Variants in ATF7IP observed in about 807,000 individuals in gnomAD.
The protein encoded by ATF7IP is activating transcription factor 7 interacting protein.
Under a neutral mutation model 106.4 loss-of-function variants are expected in ATF7IP, and 23 were observed. That is an observed-to-expected ratio of 0.22 (90% CI 0.16 to 0.31). ATF7IP has a LOEUF of 0.31. Ranked by LOEUF, ATF7IP falls within the 10% of genes least tolerant of loss-of-function variation. The pLI is 1.00. For synonymous variants in ATF7IP, 542 were observed against 539.0 expected (o/e 1.01, Z -0.08); for missense variants, 1,334 against 1,524.3 (o/e 0.88, Z 2.08).
At chr12:14,402,255 G>T (rs1282261900) in intron 1 of ATF7IP, among the ~76,000 whole-genome samples, 2 of 151,046 alleles carry the variant, frequency 1.3e-5, no homozygotes, top group African/African-American at 2.4e-5. Flanking sequence ...AGCCTCCCAG[G>T]GAGCTGGGGC....
intron 1 of ATF7IP, among the ~76,000 whole-genome samples, chr12:14,415,887 C>T (rs893715928): frequency 6.6e-6 from 1 of 152,034 alleles, no homozygotes; most frequent in Non-Finnish European, 1.5e-5. Context: ...TACTACACTA[C>T]TTTATATAAG....
At chr12:14,420,868 G>A (rs1941474927) in intron 1 of ATF7IP, among the ~76,000 whole-genome samples, 1 of 152,168 alleles carries the variant, frequency 6.6e-6, no homozygotes, top group Non-Finnish European at 1.5e-5. Flanking sequence ...TCTTTCTCAG[G>A]CCAAAGCAAA....
intron 1 of ATF7IP, among the ~76,000 whole-genome samples, chr12:14,380,912 G>C (rs1449310354): frequency 6.6e-6 from 1 of 152,226 alleles, no homozygotes; most frequent in African/African-American, 2.4e-5. Flanking sequence ...GAGCCACCGT[G>C]CCCGGCCAGG....
At chr12:14,465,641 C>T (rs1011285744) in intron 9 of ATF7IP, among the ~76,000 whole-genome samples, 1 of 152,060 alleles carries the variant, frequency 6.6e-6, no homozygotes, top group African/African-American at 2.4e-5. Context: ...CCCTGGAATA[C>T]TTCTCTTTTA....
intron 10 of ATF7IP, among the ~76,000 whole-genome samples, chr12:14,471,401 T>A (rs1217463941): frequency 6.6e-6 from 1 of 152,216 alleles, no homozygotes; most frequent in African/African-American, 2.4e-5. Context: ...CTTCCTTTAA[T>A]TTTGTCAGTT....
chr12:14,442,275 A>G (rs1942748553), intron 5 of ATF7IP, among the ~76,000 whole-genome samples: 2 of 152,230 alleles, frequency 1.3e-5, no homozygotes, highest in Non-Finnish European at 1.5e-5. Flanking sequence ...TTTCAGTAGC[A>G]TACAAAATCA....
intron 1 of ATF7IP, among the ~76,000 whole-genome samples, chr12:14,379,024 C>G (rs1250209911): frequency 6.6e-6 from 1 of 152,134 alleles, no homozygotes; most frequent in Non-Finnish European, 1.5e-5. Context: ...ATTTTGTACA[C>G]CATTGATATA....
intron 13 of ATF7IP, among the ~76,000 whole-genome samples, chr12:14,494,428 T>G (rs1472613065): frequency 6.9e-6 from 1 of 144,044 alleles, no homozygotes; most frequent in Non-Finnish European, 1.5e-5. Context: ...ATATATATTT[T>G]ATATATTATA....
At chr12:14,375,331 A>T (rs1938695255) in intron 1 of ATF7IP, among the ~76,000 whole-genome samples, 1 of 152,114 alleles carries the variant, frequency 6.6e-6, no homozygotes, top group Admixed American at 6.6e-5. Context: ...TGCTTTTAGG[A>T]AAAACAGTTT....
chr12:14,502,821 T>C lies in ATF7IP; in HGVS notation c.*4748T>C, dbSNP rs1945195955. ...GTGTGTGCGTGCGTGTGTGTGTTTT[T>C]CTTTTTTAAATGTATAGTAGAGTGG... On this transcript the variant is annotated 3_prime_UTR_variant, in exon 15 of 15. Transcript: ENST00000261168. The C allele has an allele frequency of 6.6e-6, 1 of 152,116 alleles. No individual in the cohort carries two copies. The highest frequency in any genetic ancestry group is 2.4e-5 in the African/African-American group (1 of 41,414). 9.4% of individuals were successfully genotyped at this position (152,116 alleles called of 1,614,324 possible). A position where few individuals can be genotyped will look rare whatever the true frequency, so the allele number is the denominator to read the frequency against.
intron 13 of ATF7IP, among the ~76,000 whole-genome samples, chr12:14,483,763 G>A (rs1178445115): frequency 2.6e-5 from 4 of 152,078 alleles, no homozygotes; most frequent in Admixed American, 2.6e-4. Context: ...ACTGTCACCT[G>A]GTTGGGGTTG....
chr12:14,402,050 T>C (rs1565483472), intron 1 of ATF7IP, among the ~76,000 whole-genome samples: 1 of 151,522 alleles, frequency 6.6e-6, no homozygotes, highest in Admixed American at 6.6e-5. Context: ...CTACAAAATA[T>C]CTAGGTGGAA....
Position 14,460,742 on chromosome 12 carries a change from A to G in ATF7IP, c.2406A>G (p.Pro802=), listed in dbSNP as rs113845516. 4 of 1,614,102 alleles carry G rather than the reference A, an allele frequency of 2.5e-6. No individual in the cohort carries two copies. The highest frequency in any genetic ancestry group is 2.7e-5 in the African/African-American group (2 of 74,946). ...AGCCTCAGCTTCTACAGAGCCATCC[A>G]GGGACTTTGGTGACTAATCAACCAT... ...SSQPQLLQSH[P]GTLVTNQPSG... The change falls in exon 9 of 15, where the codon CCA becomes CCG. Residue 802 remains proline (P), a synonymous_variant. Coordinates refer to ENST00000261168, the MANE Select transcript of ATF7IP (RefSeq NM_018179.5).
At chr12:14,396,437 T>TAA (rs36115150) in intron 1 of ATF7IP, among the ~76,000 whole-genome samples, 2 of 146,226 alleles carry the variant, frequency 1.4e-5, no homozygotes, top group Non-Finnish European at 3.0e-5. Flanking sequence ...TGCTTGGATT[T>TAA]AAAAAAAAAA....
chr12:14,463,314 A>C (rs978373220), intron 9 of ATF7IP, among the ~76,000 whole-genome samples: 1 of 152,164 alleles, frequency 6.6e-6, no homozygotes, highest in African/African-American at 2.4e-5. Context: ...ATTTTAAATC[A>C]CTATTTTCTG....
In ATF7IP at chr12:14,497,663, C is replaced by T. The variant is rs138456753; in HGVS notation, c.3403C>T (p.Arg1135Cys). 1.2e-5 allele frequency: 20 copies of T among 1,612,762 alleles called. No individual in the cohort carries two copies. Among genetic ancestry groups the T allele is most frequent in the African/African-American group, 5.3e-5 (4 of 75,028 alleles). ...TGACCTGTTTCTTCAGGAGCCCCCA[C>T]GCCCCGTGCACCCAGCACCCTTACC... ...RPPQVHTEPP[R>C]PVHPAPLPEA... is the part of the protein sequence containing the mutation. Residue 1135 changes from arginine (R) to cysteine (C), a missense_variant, in exon 15 of 15, where the codon CGC (arginine) becomes TGC (cysteine). By Grantham distance (180) the Arg-to-Cys change is radical (BLOSUM62 -3). Transcript: ENST00000261168.
chr12:14,496,583 G>A (rs773117873), intron 14 of ATF7IP, among the ~76,000 whole-genome samples: 3 of 152,166 alleles, frequency 2.0e-5, no homozygotes, highest in Non-Finnish European at 1.5e-5. Flanking sequence ...CAGGTCCACA[G>A]TTGGGGTATA....
In ATF7IP at chr12:14,396,868, C is replaced by T. The variant is rs1939877989; in HGVS notation, c.-7-27041C>T. The stretch of plus-strand genomic sequence containing the variant: ...AGACAATCAAAACAAAGATAAAAGT[C>T]ATGAGTATGATTACAGGCGTGGTGG... On this transcript the variant is annotated intron_variant, in intron 1 of 14. Transcript: ENST00000261168. Among the ~76,000 whole-genome samples, 3 of 152,008 alleles carry T rather than the reference C, an allele frequency of 2.0e-5. No homozygotes were observed. The South Asian group carries it at 6.2e-4, about 32-fold the overall frequency.
chr12:14,417,426 G>A (rs564761990), intron 1 of ATF7IP, among the ~76,000 whole-genome samples: 1 of 151,872 alleles, frequency 6.6e-6, no homozygotes, highest in African/African-American at 2.4e-5. Context: ...TTTTGGAATC[G>A]GAAATCTGTA....
Sources: gnomAD v4.1 joint callset for allele counts (sites outside exome capture counted in the v4.1 genomes callset) on GRCh38, gnomAD v4.1.1 for gene constraint, MANE v1.5 for transcripts, NCBI Gene and HGNC (gene_info 2026-07-23, HGNC 2026-07-21) for gene names.